The following SNTG1 variants were observed in gnomAD, a reference collection of about 807,000 sequenced individuals.
SNTG1 encodes the protein gamma-1-syntrophin.
A neutral mutation model predicts 74.7 loss-of-function variants in SNTG1; 39 were observed. The observed-to-expected ratio is 0.52, with a 90% CI of 0.40 to 0.68. The LOEUF (loss-of-function observed/expected upper bound fraction) is 0.68, where lower values mean the gene tolerates loss of function less well. Among genes scored for constraint, SNTG1 ranks in the 30% least tolerant of loss-of-function variants. SNTG1 has a pLI of 0.00. For synonymous variants in SNTG1, 254 were observed against 217.1 expected (o/e 1.17, Z -1.49); for missense variants, 685 against 609.5 (o/e 1.12, Z -1.30).
chr8:50,640,427 G>A (rs574856241), intron 13 of SNTG1, among the ~76,000 whole-genome samples: 6 of 152,266 alleles, frequency 3.9e-5, no homozygotes, highest in African/African-American at 1.2e-4. Flanking sequence ...GTTTGATCCT[G>A]CAGTTCTCTC....
intron 2 of SNTG1, among the ~76,000 whole-genome samples, chr8:50,308,836 C>A (rs1165615895): frequency 6.6e-6 from 1 of 152,142 alleles, no homozygotes; most frequent in Non-Finnish European, 1.5e-5. Context: ...TTCTTGCTAA[C>A]TTTCTGCCCT....
chr8:50,671,525 AT>A (rs2095282632), intron 15 of SNTG1, among the ~76,000 whole-genome samples: 2 of 152,180 alleles, frequency 1.3e-5, no homozygotes, highest in Non-Finnish European at 2.9e-5. Context: ...AATGGCGATC[AT>A]TAAAAAGTCA....
At chr8:50,006,281 T>G (rs2130509173) in intron 1 of SNTG1, among the ~76,000 whole-genome samples, 1 of 152,288 alleles carries the variant, frequency 6.6e-6, no homozygotes, top group South Asian at 2.1e-4. Context: ...TTTTGATAAC[T>G]TCTATTCCTT....
intron 1 of SNTG1, among the ~76,000 whole-genome samples, chr8:50,101,929 G>T (rs1162688567): frequency 6.6e-6 from 1 of 151,994 alleles, no homozygotes; most frequent in Admixed American, 6.6e-5. Flanking sequence ...TGGTGTATAT[G>T]TGCCACATTT....
At chr8:50,075,842 T>C (rs955851242) in intron 1 of SNTG1, among the ~76,000 whole-genome samples, 19 of 152,100 alleles carry the variant, frequency 1.2e-4, no homozygotes, top group African/African-American at 4.3e-4. Context: ...AACTTCATTC[T>C]TGAAGCCAGC....
At chr8:50,678,503 T>C (rs1190026885) in intron 15 of SNTG1, among the ~76,000 whole-genome samples, 1 of 152,116 alleles carries the variant, frequency 6.6e-6, no homozygotes, top group Non-Finnish European at 1.5e-5. Flanking sequence ...ATTTATATTG[T>C]TTGAAATGGA....
chr8:50,546,963 AGT>A (rs1208142329), intron 11 of SNTG1, among the ~76,000 whole-genome samples: 2 of 151,982 alleles, frequency 1.3e-5, no homozygotes, highest in Admixed American at 1.3e-4. Flanking sequence ...TGTGTTTTTT[AGT>A]AGAGATGGGG....
At chr8:50,588,944 T>C (rs1302389573) in intron 12 of SNTG1, among the ~76,000 whole-genome samples, 1 of 152,048 alleles carries the variant, frequency 6.6e-6, no homozygotes, top group Non-Finnish European at 1.5e-5. Context: ...TTATTATTAT[T>C]ATTTACATTT....
At chr8:50,495,074 G>C (rs186816104) in intron 8 of SNTG1, among the ~76,000 whole-genome samples, 1 of 151,932 alleles carries the variant, frequency 6.6e-6, no homozygotes, top group South Asian at 2.1e-4. Flanking sequence ...TGAAATTTTA[G>C]GAATTGTGAA....
intron 1 of SNTG1, among the ~76,000 whole-genome samples, chr8:50,040,617 T>C (rs1036248094): frequency 9.9e-5 from 15 of 152,130 alleles, no homozygotes; most frequent in African/African-American, 3.4e-4. Flanking sequence ...CTTCAACTAA[T>C]AAATGGCAAG....
chr8:49,948,624 ATCT>A (rs1375812099), intron 1 of SNTG1, among the ~76,000 whole-genome samples: 2 of 152,142 alleles, frequency 1.3e-5, no homozygotes, highest in Non-Finnish European at 2.9e-5. Context: ...TTGTACTCGA[ATCT>A]TCTTAAGTAC....
intron 1 of SNTG1, among the ~76,000 whole-genome samples, chr8:50,022,057 A>T (rs1816872998): frequency 6.6e-6 from 1 of 152,184 alleles, no homozygotes; most frequent in Non-Finnish European, 1.5e-5. Context: ...GTAATTCAAA[A>T]ATTCAGCATA....
intron 8 of SNTG1, among the ~76,000 whole-genome samples, chr8:50,464,025 C>A (rs2093589012): frequency 6.6e-6 from 1 of 152,142 alleles, no homozygotes; most frequent in Non-Finnish European, 1.5e-5. Context: ...CCTCATGAAC[C>A]AACTTCTGCT....
intron 2 of SNTG1, among the ~76,000 whole-genome samples, chr8:50,273,099 T>C (rs1216220825): frequency 6.6e-6 from 1 of 152,156 alleles, no homozygotes; most frequent in African/African-American, 2.4e-5. Context: ...TCTGAAATTG[T>C]CTTGGGAGAA....
At chr8:50,773,716 A>T (rs73677517) in intron 18 of SNTG1, among the ~76,000 whole-genome samples, 3,023 of 152,226 alleles carry the variant, frequency 0.02, 96 homozygotes, top group African/African-American at 0.065. Flanking sequence ...CATTGAAAAC[A>T]TTCTCAAAAT....
At chr8:50,779,929 T>C (rs1161000805) in intron 18 of SNTG1, among the ~76,000 whole-genome samples, 1 of 151,988 alleles carries the variant, frequency 6.6e-6, no homozygotes, top group Non-Finnish European at 1.5e-5. Flanking sequence ...TTGAATTTTG[T>C]CAAAGGCCTT....
At chr8:50,154,218 AC>A (rs950622375) in intron 1 of SNTG1, among the ~76,000 whole-genome samples, 10 of 151,834 alleles carry the variant, frequency 6.6e-5, no homozygotes, top group African/African-American at 2.4e-4. Context: ...TGGGTGTGGG[AC>A]CCCCCAAGCC....
intron 2 of SNTG1, among the ~76,000 whole-genome samples, chr8:50,254,751 C>G (rs2086798635): frequency 6.6e-6 from 1 of 151,472 alleles, no homozygotes; most frequent in Non-Finnish European, 1.5e-5. Flanking sequence ...GAGGCTGAGG[C>G]AGGAGAATCA....
At position 50,204,784 on chromosome 8, in the gene SNTG1, T is replaced by C. The variant is rs566713492; in HGVS notation, c.-28+32149T>C. ...CCACTCTGTGTCCAGGTGTTCTCAT[T>C]GTTCAATTCCCACCTATGAGTGACA... On this transcript the variant is annotated intron_variant, in intron 2 of 18. Coordinates refer to ENST00000642720, the MANE Select transcript of SNTG1 (RefSeq NM_018967.5). 2.2e-4 allele frequency among the ~76,000 whole-genome samples: 33 copies of C among 152,214 alleles called. No homozygotes were observed. The Middle Eastern group carries it at 0.01, about 47-fold the overall frequency.
Sources: gnomAD v4.1 joint callset for allele counts (sites outside exome capture counted in the v4.1 genomes callset) on GRCh38, gnomAD v4.1.1 for gene constraint, MANE v1.5 for transcripts, NCBI Gene and HGNC (gene_info 2026-07-23, HGNC 2026-07-21) for gene names.